The following NBPF26 variants were observed in gnomAD, a reference collection of about 807,000 sequenced individuals.
The protein encoded by NBPF26 is NBPF member 26.
In NBPF26, 79 loss-of-function variants were observed where a neutral mutation model predicts 119.6. The observed-to-expected ratio is 0.66, with a 90% CI of 0.55 to 0.80. The LOEUF (loss-of-function observed/expected upper bound fraction) is 0.80. NBPF26 is among the 30% of genes least tolerant of loss of function. The pLI is 0.00. For missense variants in NBPF26, 800 were observed against 1,198.2 expected, an observed-to-expected ratio of 0.67 and a Z score of 4.91; for synonymous variants, 299 against 457.7, an observed-to-expected ratio of 0.65 and a Z score of 4.43.
intron 8 of NBPF26, 116 bp downstream of exon 8, chr1:120,809,999 A>T (rs1651818718): frequency 1.4e-6 from 2 of 1,429,490 alleles, no homozygotes; most frequent in Admixed American, 1.8e-5. Context: ...TGGCCACAGT[A>T]TGTGAAATTC....
In NBPF26 at chr1:120,805,383, G is replaced by A; in HGVS notation, c.752-173G>A. On this transcript the variant is annotated intron_variant, in intron 4 of 29. Coordinates refer to ENST00000620612, the Ensembl canonical transcript of NBPF26. ...GCAGTGCTTTCAGCTCTGAGTTGAG[G>A]CACCTCGAACCTTGTTTTTGTGGTG... is the stretch of plus-strand genomic sequence containing the variant. 7.2e-6 allele frequency: 8 copies of A among 1,106,932 alleles called. 1 individual carries two copies. In the African/African-American group the frequency reaches 9.4e-5, roughly 13 times the overall value. 68.6% of individuals were successfully genotyped at this position (1,106,932 alleles called of 1,614,324 possible). A position where few individuals can be genotyped will look rare whatever the true frequency, so the allele number is the denominator to read the frequency against.
rs1220324400 is a variant in NBPF26, at chr1:120,751,527, C to A, written c.74-12101C>A. Among the ~76,000 whole-genome samples, 18 of 30,272 alleles carry A rather than the reference C, an allele frequency of 5.9e-4. 1 individual carries two copies. In the South Asian group the frequency reaches 9.7e-3, roughly 16 times the overall value. 19.9% of individuals were successfully genotyped at this position (30,272 alleles called of 152,430 possible). ...CAGAATCTGTCTTCTGGTGGAATTC[C>A]CTTAGGCTTCCAGACAGGAGTGGCA... On this transcript the variant is annotated intron_variant, in intron 1 of 29. Coordinates refer to ENST00000620612, the Ensembl canonical transcript of NBPF26.
intron 2 of NBPF26, among the ~76,000 whole-genome samples, chr1:120,784,245 A>T (rs1232030175): frequency 8.4e-6 from 1 of 118,840 alleles, no homozygotes; most frequent in Non-Finnish European, 1.6e-5. Flanking sequence ...GTTTCACATA[A>T]AGCAAATATA....
downstream of NBPF26, among the ~76,000 whole-genome samples, chr1:120,842,192 A>G (rs1328095827): frequency 9.1e-6 from 1 of 109,618 alleles, no homozygotes; most frequent in Non-Finnish European, 1.7e-5. Flanking sequence ...ACTGATGCGA[A>G]TTAATAAAAA....
intron 17 of NBPF26, among the ~76,000 whole-genome samples, chr1:120,823,709 C>A (rs1192563716): frequency 8.7e-6 from 1 of 114,396 alleles, no homozygotes; most frequent in African/African-American, 4.6e-5. Flanking sequence ...TGTCCTTTGA[C>A]TCCCTCATCA....
At chr1:120,808,306 C>T in intron 6 of NBPF26, among the ~76,000 whole-genome samples, 1 of 119,104 alleles carries the variant, frequency 8.4e-6, no homozygotes, top group Non-Finnish European at 1.7e-5. Context: ...CTTTTGTTTA[C>T]AGAAGAGAAA....
intron 5 of NBPF26, 136 bp from the exon 6 acceptor site, chr1:120,807,471 T>C (rs1291241391): frequency 6.3e-6 from 3 of 479,248 alleles, no homozygotes; most frequent in Non-Finnish European, 1.1e-5. Flanking sequence ...AGAGTAAAGA[T>C]GTGGAAATCC....
At position 120,808,418 on chromosome 1, in the gene NBPF26, T is replaced by A. The variant is rs1553270449; in HGVS notation, c.1065-127T>A. ...TTTCTCTTGGCCACAGACATTCCTT[T>A]CAACGTGTGCTGACCTTCTGTTTCA... On this transcript the variant is annotated intron_variant, in intron 6 of 29. Coordinates refer to ENST00000620612, the Ensembl canonical transcript of NBPF26. The A allele has an allele frequency of 3.6e-6, 3 of 828,660 alleles. 1 individual carries two copies. The highest frequency in any genetic ancestry group is 2.2e-5 in the Admixed American group (1 of 45,642). 51.3% of individuals were successfully genotyped at this position (828,660 alleles called of 1,614,324 possible). A position where few individuals can be genotyped will look rare whatever the true frequency, so the allele number is the denominator to read the frequency against.
At chr1:120,813,251 C>T (rs1182370897) in intron 10 of NBPF26, among the ~76,000 whole-genome samples, 2 of 123,770 alleles carry the variant, frequency 1.6e-5, no homozygotes, top group Non-Finnish European at 3.2e-5. Flanking sequence ...TCTCCTAGAA[C>T]ATTTATTGGC....
rs1651111903 is a variant in NBPF26 at position 120,759,560 on chromosome 1, T to C, written c.74-4068T>C. Among the ~76,000 whole-genome samples the C allele has an allele frequency of 2.1e-5, 2 of 93,912 alleles. 1 individual carries two copies. Among genetic ancestry groups the C allele is most frequent in the African/African-American group, 1.6e-4 (2 of 12,844 alleles). 61.6% of individuals were successfully genotyped at this position (93,912 alleles called of 152,430 possible). ...TTACATTGGAAAAAAGTAAATTGAA[T>C]TTTGAAATGAGGTCTGTCCCGGTCT... On this transcript the variant is annotated intron_variant, in intron 1 of 29. Coordinates refer to ENST00000620612, the Ensembl canonical transcript of NBPF26.
At chr1:120,802,138 A>G (rs1323728168) in intron 4 of NBPF26, among the ~76,000 whole-genome samples, 1 of 113,408 alleles carries the variant, frequency 8.8e-6, no homozygotes, top group Admixed American at 8.6e-5. Context: ...AGCAAAACAG[A>G]ATCATCCCAT....
At chr1:120,803,323 A>G (rs1323014972) in intron 4 of NBPF26, among the ~76,000 whole-genome samples, 1 of 136,100 alleles carries the variant, frequency 7.3e-6, no homozygotes, top group Non-Finnish European at 1.6e-5. Flanking sequence ...CATTGTGGTT[A>G]TAAAAAGGCA....
At chr1:120,809,272 G>T (rs1250507584) in intron 7 of NBPF26, among the ~76,000 whole-genome samples, 1 of 150,220 alleles carries the variant, frequency 6.7e-6, no homozygotes, top group Admixed American at 6.6e-5. Context: ...TCTCCATGTG[G>T]TGTTGGAGAA....
At chr1:120,815,202 G>T (rs1200523921) in intron 12 of NBPF26, among the ~76,000 whole-genome samples, 159 bp downstream of exon 12, 1 of 110,010 alleles carries the variant, frequency 9.1e-6, no homozygotes, top group Non-Finnish European at 1.7e-5. Flanking sequence ...AACAGAGATG[G>T]GAAACCCATG....
At chr1:120,787,793 A>AATCT in intron 3 of NBPF26, among the ~76,000 whole-genome samples, 1 of 38,128 alleles carries the variant, frequency 2.6e-5, no homozygotes, top group Non-Finnish European at 4.0e-5. Flanking sequence ...GAAGTCAATA[A>AATCT]ATCTTATGTC....
chr1:120,805,704 C>G, exon 5 of NBPF26: 1 of 1,455,270 alleles, frequency 6.9e-7, no homozygotes, highest in South Asian at 1.2e-5. Flanking sequence ...TGAGAAACCT[C>G]AAAGAGAAAT....
chr1:120,820,506 T>C (rs1257560003), intron 15 of NBPF26, among the ~76,000 whole-genome samples: 1 of 12,798 alleles, frequency 7.8e-5, no homozygotes, highest in Non-Finnish European at 1.6e-4. Flanking sequence ...ACACAAAAAA[T>C]AATAAAGGAA....
At chr1:120,770,428 C>G (rs1428069248) in intron 2 of NBPF26, among the ~76,000 whole-genome samples, 1 of 112,074 alleles carries the variant, frequency 8.9e-6, no homozygotes, top group African/African-American at 5.8e-5. Flanking sequence ...CTCGGCCTCC[C>G]AAAGTGCTGG....
chr1:120,791,738 T>C (rs1651495954), intron 3 of NBPF26, among the ~76,000 whole-genome samples: 1 of 65,352 alleles, frequency 1.5e-5, no homozygotes, highest in Non-Finnish European at 2.6e-5. Flanking sequence ...ATGGCACATA[T>C]ATACATATGT....
Sources: gnomAD v4.1 joint callset for allele counts (sites outside exome capture counted in the v4.1 genomes callset) on GRCh38, gnomAD v4.1.1 for gene constraint, MANE v1.5 for transcripts, NCBI Gene and HGNC (gene_info 2026-07-23, HGNC 2026-07-21) for gene names.